DOCK10: variants seen among roughly 807,000 people sequenced by gnomAD.
DOCK10 encodes dedicator of cytokinesis protein 10.
DOCK10 carries 145 observed loss-of-function variants against 280.1 expected under a neutral mutation model. That is an observed-to-expected ratio of 0.52 (90% CI 0.45 to 0.59). The LOEUF is 0.59. DOCK10 is among the 20% of genes least tolerant of loss of function. The pLI, the probability that DOCK10 is intolerant of heterozygous loss-of-function variation, is 0.00. For missense variants in DOCK10, 2,368 were observed against 2,651.7 expected (o/e 0.89, Z 2.35); for synonymous variants, 915 against 942.2 (o/e 0.97, Z 0.53).
rs145709753 is a variant in DOCK10 at position 224,914,425 on chromosome 2, C to T, written c.333+2270G>A. On this transcript the variant is annotated intron_variant, in intron 3 of 55. Coordinates refer to ENST00000258390, the MANE Select transcript of DOCK10 (RefSeq NM_014689.3). ...AAGTAAAAACAATTAGAAGGCAACTCGGTATTAAGGTAATAATACAACTTG... is the reference window on the plus strand; with the variant it reads ...AAGTAAAAACAATTAGAAGGCAACTTGGTATTAAGGTAATAATACAACTTG... Among the ~76,000 whole-genome samples the T allele has an allele frequency of 5.0e-3, 764 of 152,210 alleles. 4 individuals carry two copies. The highest frequency in any genetic ancestry group is 0.017 in the African/African-American group (709 of 41,540).
At chr2:224,767,251 C>A (rs1690124710) in intron 55 of DOCK10, among the ~76,000 whole-genome samples, 1 of 152,114 alleles carries the variant, frequency 6.6e-6, no homozygotes, top group African/African-American at 2.4e-5. Context: ...GCAACCTCCG[C>A]CTCCTGGATT....
At chr2:224,829,676 G>A (rs1006224306) in intron 27 of DOCK10, among the ~76,000 whole-genome samples, 3 of 152,182 alleles carry the variant, frequency 2.0e-5, no homozygotes, top group Non-Finnish European at 4.4e-5. Context: ...AGTAGAGTAT[G>A]ATGACCAGAG....
rs571903959 is a variant in DOCK10 at position 224,786,991 on chromosome 2, T to G, written c.5655+31A>C. On this transcript the variant is annotated intron_variant, in intron 50 of 55. Transcript: ENST00000258390. The surrounding 1 kb of genome is among the most constrained non-coding windows in gnomAD (Gnocchi z 4.7). The stretch of plus-strand genomic sequence containing the variant: ...ACAACATTCAACTGCTCAGCAGAAT[T>G]TATGGGCCGTGTTATTTCTGGTGAA... 2.9e-5 allele frequency: 44 copies of G among 1,509,594 alleles called. No individual in the cohort carries two copies. Among genetic ancestry groups the G allele is most frequent in the Non-Finnish European group, 3.9e-5 (42 of 1,084,944 alleles). The allele number at this position is 1,509,594 out of a possible 1,614,324, so 93.5% of individuals were successfully genotyped here.
chr2:224,767,046 GA>G (rs1464677453), intron 55 of DOCK10, among the ~76,000 whole-genome samples: 1 of 152,182 alleles, frequency 6.6e-6, no homozygotes, highest in African/African-American at 2.4e-5. Flanking sequence ...ATATGTAGCT[GA>G]AACAGCAGAA....
At chr2:224,956,794 T>C (rs1704069738) in intron 1 of DOCK10, among the ~76,000 whole-genome samples, 2 of 152,168 alleles carry the variant, frequency 1.3e-5, no homozygotes, top group African/African-American at 4.8e-5. Context: ...CAACACAAAC[T>C]ATTTTTATAC....
rs150495517 is a variant in DOCK10 at position 224,851,814 on chromosome 2, T to C, written c.2142+563A>G. Among the ~76,000 whole-genome samples, 567 of 152,336 alleles carry C rather than the reference T, an allele frequency of 3.7e-3. 14 individuals are homozygous for C. The highest frequency in any genetic ancestry group is 0.024 in the Admixed American group (365 of 15,300). The stretch of plus-strand genomic sequence containing the variant: ...TGAACTCTAAAAAATGCCATCCCGT[T>C]GCAGCTTTGTAGAGTGAAACACCAC... On this transcript the variant is annotated intron_variant, in intron 18 of 55. Transcript: ENST00000258390.
At position 224,874,280 on chromosome 2, in the gene DOCK10, C is replaced by G; in HGVS notation, c.1087G>C (p.Asp363His). 6.2e-7 allele frequency: 1 copy of G among 1,613,342 alleles called. No individual in the cohort carries two copies. Among genetic ancestry groups the G allele is most frequent in the Non-Finnish European group, 8.5e-7 (1 of 1,179,584 alleles). Residue 363 changes from aspartate to histidine, a missense_variant, in exon 10 of 56, where the codon GAT becomes CAT. By Grantham distance (81) the Asp-to-His change is moderately conservative (BLOSUM62 -1). Transcript: ENST00000258390. ...TTTTGACTTACATCTATGTCTGGAT[C>G]TAGAGAGAACAGATTTAGCCTCTCC... The part of the protein sequence containing the change: ...NMERLNLFSL[D>H]PDIDTLKLQK...
At chr2:224,870,767 T>C (rs559343688) in intron 11 of DOCK10, among the ~76,000 whole-genome samples, 3 of 150,516 alleles carry the variant, frequency 2.0e-5, no homozygotes, top group Admixed American at 1.3e-4. Flanking sequence ...ACCAACATCA[T>C]TGTCTGAACT....
At chr2:224,800,287 G>A in intron 40 of DOCK10, 24 bp from the exon 41 acceptor site, 1 of 1,466,188 alleles carries the variant, frequency 6.8e-7, no homozygotes, top group Non-Finnish European at 9.5e-7. Context: ...AATAAAACAT[G>A]CGTAAAAGTC....
chr2:224,825,745 G>A (rs1273793807), intron 27 of DOCK10, among the ~76,000 whole-genome samples: 1 of 152,106 alleles, frequency 6.6e-6, no homozygotes, highest in Non-Finnish European at 1.5e-5. Flanking sequence ...CTGTTTTCCC[G>A]AAGTATATCC....
At chr2:224,809,083 A>C (rs1380167030) in intron 31 of DOCK10, among the ~76,000 whole-genome samples, 1 of 152,070 alleles carries the variant, frequency 6.6e-6, no homozygotes, top group African/African-American at 2.4e-5. Context: ...GAGAAAAGAC[A>C]CTGCCAAATT....
At chr2:224,961,555 G>A (rs1013288772) in intron 1 of DOCK10, among the ~76,000 whole-genome samples, 19 of 148,012 alleles carry the variant, frequency 1.3e-4, no homozygotes, top group African/African-American at 4.5e-4. Flanking sequence ...TTGCCAGGCT[G>A]GAGTGCAGTG....
intron 4 of DOCK10, chr2:224,893,491 C>A (rs1699821546): frequency 4.3e-6 from 1 of 234,088 alleles, no homozygotes; most frequent in Non-Finnish European, 9.1e-6. Context: ...GTATTTTACC[C>A]AGTGGATTAA....
chr2:224,816,775 C>T, intron 29 of DOCK10, 62 bp from the exon 30 acceptor site: 1 of 910,928 alleles, frequency 1.1e-6, no homozygotes, highest in Non-Finnish European at 1.7e-6. Flanking sequence ...TAAAAACAAA[C>T]AAACAAAATC....
At chr2:224,801,282 C>CAA (rs3083075) in intron 40 of DOCK10, among the ~76,000 whole-genome samples, 3,555 of 74,568 alleles carry the variant, frequency 0.048, 164 homozygotes, top group Middle Eastern at 0.1. Flanking sequence ...CAAGACATGG[C>CAA]AAAAAAAAAA....
At chr2:225,035,561 T>TA (rs1553634895) in intron 1 of DOCK10, among the ~76,000 whole-genome samples, 1 of 52,628 alleles carries the variant, frequency 1.9e-5, no homozygotes, top group Non-Finnish European at 4.8e-5. Context: ...TATATATATA[T>TA]ATATATATAT....
intron 42 of DOCK10, 80 bp downstream of exon 42, chr2:224,797,751 CG>C: frequency 6.8e-7 from 1 of 1,466,354 alleles, no homozygotes. Flanking sequence ...TACTGAGAAA[CG>C]CAAGGATTCC....
chr2:224,855,187 T>C (rs1184420906), intron 15 of DOCK10, 145 bp from the exon 16 acceptor site: 5 of 438,780 alleles, frequency 1.1e-5, no homozygotes, highest in Non-Finnish European at 2.0e-5. Context: ...CCAAATAATC[T>C]TGTGAATGAT....
intron 1 of DOCK10, among the ~76,000 whole-genome samples, chr2:225,034,799 A>ATT (rs1266643865): frequency 2.0e-5 from 3 of 152,218 alleles, no homozygotes; most frequent in African/African-American, 7.2e-5. Flanking sequence ...AAGAGCTATG[A>ATT]AGACAACTAA....
Sources: gnomAD v4.1 joint callset for allele counts (sites outside exome capture counted in the v4.1 genomes callset) on GRCh38, gnomAD v4.1.1 for gene constraint, Gnocchi (gnomAD v3.1) non-coding constraint, MANE v1.5 for transcripts, NCBI Gene and HGNC (gene_info 2026-07-23, HGNC 2026-07-21) for gene names.